USP36: variants seen among roughly 807,000 people sequenced by gnomAD.
The protein encoded by USP36 is ubiquitin carboxyl-terminal hydrolase 36.
In USP36, 59 loss-of-function variants were observed where a neutral mutation model predicts 111.5. The observed-to-expected ratio is 0.53, with a 90% CI of 0.43 to 0.66. The LOEUF is 0.66. Ranked by LOEUF, USP36 falls within the 30% of genes least tolerant of loss-of-function variation. USP36 has a pLI of 0.00. For missense variants in USP36, 1,488 were observed against 1,468.0 expected, an observed-to-expected ratio of 1.01 and a Z score of -0.22; for synonymous variants, 628 against 581.0, an observed-to-expected ratio of 1.08 and a Z score of -1.16.
chr17:78,840,349 G>T (rs567295479), intron 1 of USP36: 2 of 152,524 alleles, frequency 1.3e-5, no homozygotes, highest in African/African-American at 2.4e-5. Context: ...CACCCGCCCC[G>T]CTGAGCTCTG....
intron 10 of USP36, among the ~76,000 whole-genome samples, chr17:78,817,808 T>C (rs1427061349): frequency 6.6e-6 from 1 of 151,364 alleles, no homozygotes; most frequent in Non-Finnish European, 1.5e-5. Flanking sequence ...AGGCCAGGTA[T>C]GGTGGCTCAC....
chr17:78,836,647 G>A (rs572604683), intron 2 of USP36, among the ~76,000 whole-genome samples: 1 of 152,276 alleles, frequency 6.6e-6, no homozygotes, highest in East Asian at 1.9e-4. Context: ...GACAGCCCCT[G>A]CCATGTGCAT....
chr17:78,836,307 A>T lies in USP36; in HGVS notation c.57T>A (p.Ala19=), dbSNP rs2068661208. Residue 19 remains alanine, a synonymous_variant, in exon 3 of 21, where the codon GCT becomes GCA. Transcript: ENST00000449938. ...GAAGCTTCCCCAGTTCTCCATCATC[A>T]GCCGAGTCCTTGCGGCCGGGTTTCA... is the stretch of plus-strand genomic sequence containing the variant. ...EALKPGRKDS[A]DDGELGKLLA... is the part of the protein sequence containing the mutation. The T allele has an allele frequency of 6.2e-7, 1 of 1,614,074 alleles. No individual in the cohort carries two copies. The highest frequency in any genetic ancestry group is 8.5e-7 in the Non-Finnish European group (1 of 1,180,038).
chr17:78,807,695 A>G, intron 13 of USP36, 59 bp from the exon 14 acceptor site: 2 of 1,476,956 alleles, frequency 1.4e-6, no homozygotes, highest in Non-Finnish European at 1.8e-6. Flanking sequence ...GCTGGGCCAC[A>G]TCTTCTTAAG....
chr17:78,836,804 C>CACACACACACACACACACACAAACGG (rs1806956366), intron 2 of USP36, among the ~76,000 whole-genome samples: 1 of 144,026 alleles, frequency 6.9e-6, no homozygotes, highest in Non-Finnish European at 1.5e-5. Flanking sequence ...CACGGACACA[C>CACACACACACACACACACACAAACGG]ACACACACAC....
chr17:78,814,115 A>G (rs2094128735), intron 11 of USP36, among the ~76,000 whole-genome samples: 1 of 152,046 alleles, frequency 6.6e-6, no homozygotes, highest in East Asian at 1.9e-4. Context: ...GTCCCTTCTA[A>G]AGGACATTCA....
chr17:78,836,001 C>T (rs1440735567), intron 3 of USP36, 110 bp downstream of exon 3: 14 of 1,483,506 alleles, frequency 9.4e-6, no homozygotes, highest in Middle Eastern at 2.5e-4. Flanking sequence ...AAATTCATAA[C>T]TCTTTGACCA....
chr17:78,827,021 G>A (rs1428132681), intron 6 of USP36: 11 of 676,774 alleles, frequency 1.6e-5, no homozygotes, highest in East Asian at 5.4e-5. Context: ...AAGCCGCCCC[G>A]GACCAGCAGG....
Position 78,803,640 on chromosome 17 carries a change from G to A in USP36, c.2555C>T (p.Pro852Leu), listed in dbSNP as rs989165767. 6.2e-6 allele frequency: 10 copies of A among 1,610,380 alleles called. No homozygotes were observed. In the African/African-American group the frequency reaches 6.7e-5, roughly 11 times the overall value. ...GKRKRKKKKR[P>L]EDTAASALQE... ...CAGGGCGCTGGCAGCTGTGTCCTCC[G>A]GGCGCTTCTTCTTCTTCCTCTTCCT... Residue 852 changes from proline to leucine, a missense_variant, in exon 16 of 21, where the codon CCG becomes CTG. This residue lies in a region of USP36 where 1,073 missense variants were observed against 994.1 expected (regional missense o/e 1.08). Transcript: ENST00000449938. This position sits in a 1 kb window ranked among gnomAD's most constrained non-coding sequence, Gnocchi z 4.6.
chr17:78,827,362 A>T lies in USP36; in HGVS notation c.587-15T>A. ...TCGGGCGATCTCTAAAAGAGGAAGA[A>T]ACAGGGAGGGAAGAGCTCGTGTCTT... On this transcript the variant is annotated splice_polypyrimidine_tract_variant and intron_variant, in intron 5 of 20. Transcript: ENST00000449938. 1 of 1,602,764 alleles carries T rather than the reference A, an allele frequency of 6.2e-7. No individual in the cohort carries two copies. Among genetic ancestry groups the T allele is most frequent in the South Asian group, 1.1e-5 (1 of 89,824 alleles).
At chr17:78,815,327 T>A (rs914741550) in intron 10 of USP36, among the ~76,000 whole-genome samples, 1 of 152,082 alleles carries the variant, frequency 6.6e-6, no homozygotes, top group Non-Finnish European at 1.5e-5. Flanking sequence ...CGAGACTCCA[T>A]CTCAAAACAA....
At position 78,806,144 on chromosome 17, in the gene USP36, C is replaced by T; in HGVS notation, c.2216+12G>A. Reference sequence around the variant, plus strand: ...CCAGTTGGCACCCAGAAGATCCCGGCCCAAAGCTTACCTGGCTCTATGGAC... The same window carrying T: ...CCAGTTGGCACCCAGAAGATCCCGGTCCAAAGCTTACCTGGCTCTATGGAC... On this transcript the variant is annotated intron_variant, in intron 15 of 20. Coordinates refer to ENST00000449938, the MANE Select transcript of USP36 (RefSeq NM_001385174.1). 1 of 1,612,906 alleles carries T rather than the reference C, an allele frequency of 6.2e-7. No individual in the cohort carries two copies. The highest frequency in any genetic ancestry group is 1.1e-5 in the South Asian group (1 of 91,010).
At chr17:78,832,698 A>G (rs1223735875) in intron 4 of USP36, among the ~76,000 whole-genome samples, 2 of 152,238 alleles carry the variant, frequency 1.3e-5, no homozygotes, top group Non-Finnish European at 2.9e-5. Flanking sequence ...TCTACAGTGG[A>G]AGAGCCCTGA....
intron 13 of USP36, 81 bp downstream of exon 13, chr17:78,812,779 G>A (rs985208427): frequency 1.3e-6 from 2 of 1,504,268 alleles, no homozygotes; most frequent in Admixed American, 1.8e-5. Flanking sequence ...TCCTTCCACT[G>A]TGGCCAACTT....
At position 78,816,158 on chromosome 17, in the gene USP36, AT is replaced by A. The variant is rs200263600; in HGVS notation, c.1024-1607del. Reference sequence around the variant, plus strand: ...AGGAACTCCGAAAAACATACGCATAATTTTTTTTTTTTTTTTTAAGAAACAC... The same window carrying A: ...AGGAACTCCGAAAAACATACGCATAATTTTTTTTTTTTTTTTAAGAAACAC... On this transcript the variant is annotated intron_variant, in intron 10 of 20. Transcript: ENST00000449938. Among the ~76,000 whole-genome samples the A allele has an allele frequency of 7.1e-3, 1,021 of 142,894 alleles. 2 individuals carry two copies. The highest frequency in any genetic ancestry group is 8.6e-3 in the African/African-American group (341 of 39,422). 93.7% of individuals were successfully genotyped at this position (142,894 alleles called of 152,430 possible).
At chr17:78,788,339 AT>A (rs1778859826) in intron 3 of USP36, among the ~76,000 whole-genome samples, 1 of 151,944 alleles carries the variant, frequency 6.6e-6, no homozygotes, top group African/African-American at 2.4e-5. Context: ...TGATTTTTGT[AT>A]TTTTAGTAGA....
Position 78,820,878 on chromosome 17 carries a change from G to A in USP36, c.828+113C>T, listed in dbSNP as rs1021810730. On this transcript the variant is annotated intron_variant, in intron 8 of 20. Coordinates refer to ENST00000449938, the MANE Select transcript of USP36 (RefSeq NM_001385174.1). ...GTACTGCAAGGCGGCAGGGAGCAAA[G>A]GAGTTTTCTCCCTATCTATTTTGAT... The A allele has an allele frequency of 6.6e-5, 75 of 1,144,628 alleles. 1 individual carries two copies. In the Admixed American group the frequency reaches 1.3e-3, roughly 20 times the overall value. The allele number at this position is 1,144,628 out of a possible 1,614,324, so 70.9% of individuals were successfully genotyped here.
chr17:78,807,217 G>A lies in USP36; in HGVS notation c.1827C>T (p.Gly609=), dbSNP rs769067138. ...NDESAGLDRR[G]SSSSSPEHSA... Reference sequence around the variant, plus strand: ...AGTGCTCTGGGCTGGAGCTGCTGGAGCCCCTCCTGTCGAGGCCAGCGCTCT... The same window carrying A: ...AGTGCTCTGGGCTGGAGCTGCTGGAACCCCTCCTGTCGAGGCCAGCGCTCT... Residue 609 remains glycine (G), a synonymous_variant, in exon 14 of 21, where the codon GGC becomes GGT. Coordinates refer to ENST00000449938, the MANE Select transcript of USP36 (RefSeq NM_001385174.1). 120 of 1,614,064 alleles carry A rather than the reference G, an allele frequency of 7.4e-5. No individual in the cohort carries two copies. The African/African-American group carries it at 9.6e-4, about 13-fold the overall frequency.
intron 6 of USP36, 77 bp downstream of exon 6, chr17:78,827,168 T>C: frequency 7.1e-7 from 1 of 1,416,566 alleles, no homozygotes; most frequent in Non-Finnish European, 9.5e-7. Flanking sequence ...GGCTGGCTGT[T>C]GCCATAGGAA....
Sources: gnomAD v4.1 joint callset for allele counts (sites outside exome capture counted in the v4.1 genomes callset) on GRCh38, gnomAD v4.1.1 for gene constraint, gnomAD v4.1.1 regional missense constraint, Gnocchi (gnomAD v3.1) non-coding constraint, MANE v1.5 for transcripts, NCBI Gene and HGNC (gene_info 2026-07-23, HGNC 2026-07-21) for gene names.